Variants in MMP2 observed in about 807,000 individuals in gnomAD.
MMP2 encodes 72 kDa type IV collagenase.
Under a neutral mutation model 74.8 loss-of-function variants are expected in MMP2, and 39 were observed. The observed-to-expected ratio is 0.52, with a 90% CI of 0.40 to 0.68. MMP2 has a LOEUF of 0.68. MMP2 is among the 30% of genes least tolerant of loss of function. MMP2 has a pLI of 0.00. For missense variants in MMP2, 803 were observed against 878.3 expected (o/e 0.91, Z 1.08); for synonymous variants, 367 against 339.8 (o/e 1.08, Z -0.88).
chr16:55,482,101 G>T (rs1319163536), intron 1 of MMP2, among the ~76,000 whole-genome samples: 1 of 152,164 alleles, frequency 6.6e-6, no homozygotes, highest in Non-Finnish European at 1.5e-5. Context: ...AGACAGAATT[G>T]TCTATCTTTT....
Position 55,479,549 on chromosome 16 carries a change from C to G in MMP2, c.70C>G (p.Leu24Val), listed in dbSNP as rs770535923. The change falls in exon 1 of 13, where the codon CTG becomes GTG. Residue 24 changes from leucine to valine, a missense_variant. Physicochemically the swap from Leu to Val is conservative, Grantham distance 32 (BLOSUM62 1). Transcript: ENST00000219070. Reference protein sequence around the residue: ...LRALCLLGCLLSHAAAAPSPI... With the variant: ...LRALCLLGCLVSHAAAAPSPI... ...GGCGCTCTGTCTCCTGGGCTGCCTG[C>G]TGAGCCACGCCGCCGCCGCGCCGTC... The G allele has an allele frequency of 1.9e-6, 3 of 1,612,356 alleles. No homozygotes were observed. Among genetic ancestry groups the G allele is most frequent in the Admixed American group, 1.7e-5 (1 of 59,950 alleles).
intron 1 of MMP2, 125 bp downstream of exon 1, chr16:55,479,757 G>C: frequency 8.1e-6 from 10 of 1,230,692 alleles, no homozygotes; most frequent in Non-Finnish European, 1.2e-5. Flanking sequence ...TCGGTAAACA[G>C]CTTGGGGGGT....
At chr16:55,499,970 T>C (rs1169749407) in intron 11 of MMP2, among the ~76,000 whole-genome samples, 3 of 151,732 alleles carry the variant, frequency 2.0e-5, no homozygotes, top group African/African-American at 7.3e-5. Context: ...CCCAAAACAA[T>C]CCCGCTTACT....
chr16:55,504,898 C>G (rs979624516), intron 12 of MMP2, among the ~76,000 whole-genome samples: 2 of 151,942 alleles, frequency 1.3e-5, no homozygotes. Context: ...GTGATCTGCC[C>G]GTCTCGGCCT....
intron 11 of MMP2, 98 bp downstream of exon 11, chr16:55,498,546 T>A (rs2287076): frequency 6.5e-7 from 1 of 1,541,524 alleles, no homozygotes; most frequent in East Asian, 2.2e-5. Context: ...GTTCAGAGGT[T>A]GGTGGGCTCT....
At chr16:55,498,265 A>G in intron 10 of MMP2, 24 bp from the exon 11 acceptor site, 1 of 1,613,528 alleles carries the variant, frequency 6.2e-7, no homozygotes, top group African/African-American at 1.3e-5. Flanking sequence ...GCACCAGCCA[A>G]CACACCCTTT....
chr16:55,490,713 T>G (rs1350899000), intron 7 of MMP2, among the ~76,000 whole-genome samples: 1 of 152,196 alleles, frequency 6.6e-6, no homozygotes, highest in Non-Finnish European at 1.5e-5. Context: ...TTGGCAGATG[T>G]CAGTGGACAG....
At chr16:55,486,367 G>GCC (rs1458302014) in intron 5 of MMP2, among the ~76,000 whole-genome samples, 65 of 141,944 alleles carry the variant, frequency 4.6e-4, no homozygotes, top group African/African-American at 1.9e-3. Context: ...GTGTGTGTGT[G>GCC]TGTGTGTGTG....
chr16:55,481,051 G>T (rs1245141191), intron 1 of MMP2, among the ~76,000 whole-genome samples: 4 of 152,144 alleles, frequency 2.6e-5, no homozygotes, highest in African/African-American at 9.7e-5. Flanking sequence ...TTCTTGGCTT[G>T]CACAGGAAGG....
At chr16:55,489,434 A>G (rs1962344657) in intron 6 of MMP2, among the ~76,000 whole-genome samples, 1 of 126,964 alleles carries the variant, frequency 7.9e-6, no homozygotes, top group Non-Finnish European at 1.8e-5. Context: ...AAATTTCATC[A>G]TCTCTCTGAT....
chr16:55,493,612 A>T (rs1187793006), intron 9 of MMP2, among the ~76,000 whole-genome samples: 3 of 152,178 alleles, frequency 2.0e-5, no homozygotes, highest in Non-Finnish European at 4.4e-5. Flanking sequence ...CAAGAGGCCA[A>T]ACTGAACTAC....
intron 3 of MMP2, 115 bp downstream of exon 3, chr16:55,484,279 G>A: frequency 8.0e-7 from 1 of 1,256,918 alleles, no homozygotes; most frequent in Non-Finnish European, 1.1e-6. Context: ...TAGGACAGTA[G>A]ATGGTGTGGG....
Position 55,493,273 on chromosome 16 carries a change from G to A in MMP2, c.1452G>A (p.Glu484=). Residue 484 remains glutamate, a synonymous_variant, in exon 9 of 13, where the codon GAG becomes GAA. Transcript: ENST00000219070. ...ATGGCATCGCTCAGATCCGTGGTGA[G>A]ATCTTCTTCTTCAAGGACCGGTGAG... is the stretch of plus-strand genomic sequence containing the variant. ...VFDGIAQIRG[E]IFFFKDRFIW... 6.2e-7 allele frequency: 1 copy of A among 1,614,170 alleles called. No homozygotes were observed. The highest frequency in any genetic ancestry group is 1.3e-5 in the African/African-American group (1 of 75,036).
At position 55,506,591 on chromosome 16, in the gene MMP2, C is replaced by T. The variant is rs1360146197; in HGVS notation, c.*1149C>T. On this transcript the variant is annotated 3_prime_UTR_variant, in exon 13 of 13. Transcript: ENST00000219070. ...AATATCCCCCTCAATTAATAGAGTG[C>T]TTTCTATGTGCAAGGCACTTTTCAC... 3 of 152,200 alleles carry T rather than the reference C, an allele frequency of 2.0e-5. No individual in the cohort carries two copies. The highest frequency in any genetic ancestry group is 7.2e-5 in the African/African-American group (3 of 41,450). 9.4% of individuals were successfully genotyped at this position (152,200 alleles called of 1,614,324 possible). A position where few individuals can be genotyped will look rare whatever the true frequency, so the allele number is the denominator to read the frequency against.
rs1273085903 is a variant in MMP2 at position 55,489,724 on chromosome 16, T to C, written c.1080T>C (p.Tyr360=). The change falls in exon 7 of 13, where the codon TAT becomes TAC. Residue 360 remains tyrosine, a synonymous_variant. Transcript: ENST00000219070. ...VFPFTFLGNK[Y]ESCTSAGRSD... is the part of the protein sequence containing the mutation. ...CCTTCACTTTCCTGGGCAACAAATA[T>C]GAGAGCTGCACCAGCGCCGGCCGCA... The C allele has an allele frequency of 5.0e-6, 8 of 1,613,998 alleles. No homozygotes were observed. The highest frequency in any genetic ancestry group is 3.3e-5 in the Admixed American group (2 of 60,006).
chr16:55,482,934 G>T lies in MMP2; in HGVS notation c.179G>T (p.Cys60Phe). 6.2e-7 allele frequency: 1 copy of T among 1,614,202 alleles called. No individual in the cohort carries two copies. Among genetic ancestry groups the T allele is most frequent in the Non-Finnish European group, 8.5e-7 (1 of 1,180,028 alleles). ...CAATACCTGAACACCTTCTATGGCTGCCCCAAGGAGAGCTGCAACCTGTTT... is the reference window on the plus strand; with the variant it reads ...CAATACCTGAACACCTTCTATGGCTTCCCCAAGGAGAGCTGCAACCTGTTT... Reference protein sequence around the residue: ...AVQYLNTFYGCPKESCNLFVL... With the variant: ...AVQYLNTFYGFPKESCNLFVL... Residue 60 changes from cysteine to phenylalanine, a missense_variant, in exon 2 of 13, where the codon TGC (cysteine) becomes TTC (phenylalanine). Cys to Phe is a radical substitution (Grantham distance 205). Coordinates refer to ENST00000219070, the MANE Select transcript of MMP2 (RefSeq NM_004530.6).
At chr16:55,501,583 C>A (rs967590600) in intron 11 of MMP2, among the ~76,000 whole-genome samples, 2 of 152,096 alleles carry the variant, frequency 1.3e-5, no homozygotes, top group African/African-American at 4.8e-5. Context: ...GGAAGCATGC[C>A]AGGTTTTGTA....
At chr16:55,480,002 A>C in intron 1 of MMP2, 1 of 301,294 alleles carries the variant, frequency 3.3e-6, no homozygotes, top group South Asian at 3.3e-5. Context: ...GGTCTTTGTA[A>C]ACAACTTTTG....
intron 1 of MMP2, among the ~76,000 whole-genome samples, chr16:55,482,195 G>T (rs1245233961): frequency 6.6e-6 from 1 of 152,186 alleles, no homozygotes; most frequent in Non-Finnish European, 1.5e-5. Flanking sequence ...AAATGAGTCG[G>T]TTGCTCCCTG....
Sources: allele counts gnomAD v4.1 joint callset (sites outside exome capture counted in the v4.1 genomes callset), GRCh38; gene constraint gnomAD v4.1.1; transcripts MANE v1.5; gene names NCBI Gene and HGNC (gene_info 2026-07-23, HGNC 2026-07-21).